DERA: variants seen among roughly 807,000 people sequenced by gnomAD.
The protein encoded by DERA is deoxyribose-phosphate aldolase.
Under a neutral mutation model 41.1 loss-of-function variants are expected in DERA, and 15 were observed. That is an observed-to-expected ratio of 0.37 (90% CI 0.24 to 0.56). The LOEUF (loss-of-function observed/expected upper bound fraction) is 0.56. Among genes scored for constraint, DERA ranks in the 20% least tolerant of loss-of-function variants. DERA has a pLI of 0.81. For synonymous variants in DERA, 139 were observed against 137.4 expected (o/e 1.01, Z -0.08); for missense variants, 396 against 403.4 (o/e 0.98, Z 0.16).
In DERA at chr12:15,972,864, A is replaced by G. The variant is rs1948672656; in HGVS notation, c.509-9444A>G. Among the ~76,000 whole-genome samples, 1 of 152,168 alleles carries G rather than the reference A, an allele frequency of 6.6e-6. No homozygotes were observed. Among genetic ancestry groups the G allele is most frequent in the African/African-American group, 2.4e-5 (1 of 41,436 alleles). On this transcript the variant is annotated intron_variant, in intron 5 of 8. Transcript: ENST00000428559. This position sits in a 1 kb window ranked among gnomAD's most constrained non-coding sequence, Gnocchi z 4.4. ...CTTAAATAAAGAAAACTAAAATGCTATCGATGCAAGTTCCTGCTGGCGTGC... is the reference window on the plus strand; with the variant it reads ...CTTAAATAAAGAAAACTAAAATGCTGTCGATGCAAGTTCCTGCTGGCGTGC...
chr12:15,924,407 T>A lies in DERA; in HGVS notation c.31+12993T>A, dbSNP rs1033838183. Reference sequence around the variant, plus strand: ...CAATACCCTGTTTCTAAAATTAAAATGTATATATATAAAAGTTAAATAATT... The same window carrying A: ...CAATACCCTGTTTCTAAAATTAAAAAGTATATATATAAAAGTTAAATAATT... On this transcript the variant is annotated intron_variant, in intron 1 of 8. Coordinates refer to ENST00000428559, the MANE Select transcript of DERA (RefSeq NM_015954.4). The surrounding 1 kb of genome is among the most constrained non-coding windows in gnomAD (Gnocchi z 5.0). 6.6e-6 allele frequency among the ~76,000 whole-genome samples: 1 copy of A among 152,204 alleles called. No homozygotes were observed. Among genetic ancestry groups the A allele is most frequent in the African/African-American group, 2.4e-5 (1 of 41,448 alleles).
In DERA at chr12:16,003,726, G is replaced by A. The variant is rs1057254117; in HGVS notation, c.637+21290G>A. ...TCAATTTCTGGCTCATGAGTGAGAA[G>A]TATTCCTCCTTAGTTGTGCCTGAGA... On this transcript the variant is annotated intron_variant, in intron 6 of 8. Coordinates refer to ENST00000428559, the MANE Select transcript of DERA (RefSeq NM_015954.4). This position sits in a 1 kb window ranked among gnomAD's most constrained non-coding sequence, Gnocchi z 4.8. Among the ~76,000 whole-genome samples, 1 of 152,158 alleles carries A rather than the reference G, an allele frequency of 6.6e-6. No individual in the cohort carries two copies. The highest frequency in any genetic ancestry group is 1.5e-5 in the Non-Finnish European group (1 of 68,034).
chr12:15,967,751 A>G lies in DERA; in HGVS notation c.508+4804A>G, dbSNP rs1470980255. Among the ~76,000 whole-genome samples, 1 of 152,112 alleles carries G rather than the reference A, an allele frequency of 6.6e-6. No homozygotes were observed. Among genetic ancestry groups the G allele is most frequent in the Non-Finnish European group, 1.5e-5 (1 of 68,026 alleles). On this transcript the variant is annotated intron_variant, in intron 5 of 8. Coordinates refer to ENST00000428559, the MANE Select transcript of DERA (RefSeq NM_015954.4). This position sits in a 1 kb window ranked among gnomAD's most constrained non-coding sequence, Gnocchi z 4.9. Reference sequence around the variant, plus strand: ...GACGGCACACTGTCCTTCCCTGCCAATCCTTCTGTCACTCCTGTCTAGCTG... The same window carrying G: ...GACGGCACACTGTCCTTCCCTGCCAGTCCTTCTGTCACTCCTGTCTAGCTG...
chr12:15,932,626 A>T (rs1183339422), intron 1 of DERA, among the ~76,000 whole-genome samples: 2 of 151,938 alleles, frequency 1.3e-5, no homozygotes, highest in Admixed American at 1.3e-4. Flanking sequence ...CCTGAGTAAC[A>T]GTGAGAACCT....
At position 15,995,545 on chromosome 12, in the gene DERA, G is replaced by C. The variant is rs749239928; in HGVS notation, c.637+13109G>C. 2.6e-5 allele frequency among the ~76,000 whole-genome samples: 4 copies of C among 152,136 alleles called. No individual in the cohort carries two copies. The highest frequency in any genetic ancestry group is 5.9e-5 in the Non-Finnish European group (4 of 68,020). On this transcript the variant is annotated intron_variant, in intron 6 of 8. Transcript: ENST00000428559. This position sits in a 1 kb window ranked among gnomAD's most constrained non-coding sequence, Gnocchi z 5.1. ...CTTTTCTTCCAGACTCTCTTACCTAGGGTGCCCAGAGAACAGCTAGGGAGT... is the reference window on the plus strand; with the variant it reads ...CTTTTCTTCCAGACTCTCTTACCTACGGTGCCCAGAGAACAGCTAGGGAGT...
intron 1 of DERA, among the ~76,000 whole-genome samples, chr12:15,925,062 G>A (rs928007597): frequency 2.0e-5 from 3 of 152,178 alleles, no homozygotes; most frequent in African/African-American, 7.2e-5. Context: ...ACTGCCTGGT[G>A]TACCAAGCCC....
At chr12:15,960,299 CAT>C (rs781127146) in intron 4 of DERA, among the ~76,000 whole-genome samples, 50 of 150,068 alleles carry the variant, frequency 3.3e-4, no homozygotes, top group Non-Finnish European at 4.1e-4. Context: ...CTAACACACA[CAT>C]GTATGCATGT....
At chr12:15,947,689 G>T (rs1042690409) in intron 1 of DERA, among the ~76,000 whole-genome samples, 1 of 152,094 alleles carries the variant, frequency 6.6e-6, no homozygotes, top group Non-Finnish European at 1.5e-5. Context: ...CTTTTAATTG[G>T]ACCATTTAGC....
At position 15,962,704 on chromosome 12, in the gene DERA, T is replaced by C. The variant is rs574595419; in HGVS notation, c.374-109T>C. On this transcript the variant is annotated intron_variant, in intron 4 of 8. Transcript: ENST00000428559. ...CTGATGTTTGGGGGTTTGGAATTCT[T>C]TGATGAACTACTACTGACCAATTGA... 12 of 857,860 alleles carry C rather than the reference T, an allele frequency of 1.4e-5. No individual in the cohort carries two copies. In the African/African-American group the frequency reaches 1.9e-4, roughly 13 times the overall value. 53.1% of individuals were successfully genotyped at this position (857,860 alleles called of 1,614,324 possible).
chr12:15,984,582 T>A lies in DERA; in HGVS notation c.637+2146T>A, dbSNP rs1948752307. On this transcript the variant is annotated intron_variant, in intron 6 of 8. Coordinates refer to ENST00000428559, the MANE Select transcript of DERA (RefSeq NM_015954.4). The surrounding 1 kb of genome is among the most constrained non-coding windows in gnomAD (Gnocchi z 4.5). Reference sequence around the variant, plus strand: ...GGAAGAAATCTAGGATTGTGTGACTTGTTTAAGGTCACAAAGCTAATAAAT... The same window carrying A: ...GGAAGAAATCTAGGATTGTGTGACTAGTTTAAGGTCACAAAGCTAATAAAT... 6.6e-6 allele frequency among the ~76,000 whole-genome samples: 1 copy of A among 152,188 alleles called. No individual in the cohort carries two copies. Among genetic ancestry groups the A allele is most frequent in the South Asian group, 2.1e-4 (1 of 4,832 alleles).
Position 16,035,147 on chromosome 12 carries a change from A to T in DERA, c.751-1085A>T, listed in dbSNP as rs1949118976. ...GAGTGCAGTGGAAAGAGTGCATGTG[A>T]GGGGGTAAGGAAGGTAAGGAGGTAG... On this transcript the variant is annotated intron_variant, in intron 7 of 8. Transcript: ENST00000428559. The surrounding 1 kb of genome is among the most constrained non-coding windows in gnomAD (Gnocchi z 4.1). 6.6e-6 allele frequency among the ~76,000 whole-genome samples: 1 copy of T among 151,894 alleles called. No homozygotes were observed. Among genetic ancestry groups the T allele is most frequent in the Admixed American group, 6.6e-5 (1 of 15,248 alleles).
Position 15,937,146 on chromosome 12 carries a change from G to T in DERA, c.32-19790G>T, listed in dbSNP as rs555382822. Among the ~76,000 whole-genome samples, 7 of 152,152 alleles carry T rather than the reference G, an allele frequency of 4.6e-5. No homozygotes were observed. The South Asian group carries it at 1.5e-3, about 32-fold the overall frequency. On this transcript the variant is annotated intron_variant, in intron 1 of 8. Coordinates refer to ENST00000428559, the MANE Select transcript of DERA (RefSeq NM_015954.4). ...AATTTTTAATTTTTTTGTAGAGACA[G>T]GGTCTCACCATATTGCCCAGGCTGA...
rs184875774 is a variant in DERA, at chr12:15,940,005, T to C, written c.32-16931T>C. Among the ~76,000 whole-genome samples the C allele has an allele frequency of 1.4e-3, 217 of 152,372 alleles. No homozygotes were observed. The highest frequency in any genetic ancestry group is 4.9e-3 in the African/African-American group (202 of 41,588). On this transcript the variant is annotated intron_variant, in intron 1 of 8. Coordinates refer to ENST00000428559, the MANE Select transcript of DERA (RefSeq NM_015954.4). The surrounding 1 kb of genome is among the most constrained non-coding windows in gnomAD (Gnocchi z 5.1). The stretch of plus-strand genomic sequence containing the variant: ...TCTGTCACAAAGAGATCCAGGTATA[T>C]TTCTGTTCCATAGGTTTCCTAATTT...
intron 5 of DERA, among the ~76,000 whole-genome samples, chr12:15,975,596 C>G (rs538753539): frequency 4.7e-4 from 72 of 152,338 alleles, no homozygotes; most frequent in African/African-American, 1.7e-3. Flanking sequence ...ATGTTTTAAA[C>G]TATGAACTAT....
rs1488816257 is a variant in DERA, at chr12:16,019,392, A to C, written c.638-13150A>C. 6.6e-6 allele frequency among the ~76,000 whole-genome samples: 1 copy of C among 152,212 alleles called. No individual in the cohort carries two copies. Among genetic ancestry groups the C allele is most frequent in the Non-Finnish European group, 1.5e-5 (1 of 68,040 alleles). On this transcript the variant is annotated intron_variant, in intron 6 of 8. Coordinates refer to ENST00000428559, the MANE Select transcript of DERA (RefSeq NM_015954.4). This position sits in a 1 kb window ranked among gnomAD's most constrained non-coding sequence, Gnocchi z 4.4. ...ATACAGACACTAAATTTAGCATCTT[A>C]AAACACTGATTTCATGTGATCAGAC...
At position 15,915,898 on chromosome 12, in the gene DERA, A is replaced by G. The variant is rs112258082; in HGVS notation, c.31+4484A>G. Among the ~76,000 whole-genome samples, 12 of 152,370 alleles carry G rather than the reference A, an allele frequency of 7.9e-5. 1 individual carries two copies. The highest frequency in any genetic ancestry group is 1.9e-4 in the African/African-American group (8 of 41,592). ...TAGGTATAGCTAATGTGGCAGAGCC[A>G]GAATTCAAGCCCAGGTGATTTGGTG... On this transcript the variant is annotated intron_variant, in intron 1 of 8. Transcript: ENST00000428559. This position sits in a 1 kb window ranked among gnomAD's most constrained non-coding sequence, Gnocchi z 4.8.
chr12:16,023,473 CTTTTTTTTTTTT>C (rs58250786), intron 6 of DERA, among the ~76,000 whole-genome samples: 17 of 111,876 alleles, frequency 1.5e-4, no homozygotes, highest in African/African-American at 5.7e-4. Context: ...AACTCAAAGT[CTTTTTTTTTTTT>C]TTTTTTTTTT....
chr12:15,983,109 T>C lies in DERA; in HGVS notation c.637+673T>C, dbSNP rs1948743474. ...CTGCTGTCTTAGGCCACCATCCTCC[T>C]CCACAGGGATTACTTCAGCTGTTCC... On this transcript the variant is annotated intron_variant, in intron 6 of 8. Coordinates refer to ENST00000428559, the MANE Select transcript of DERA (RefSeq NM_015954.4). This position sits in a 1 kb window ranked among gnomAD's most constrained non-coding sequence, Gnocchi z 6.2. Among the ~76,000 whole-genome samples the C allele has an allele frequency of 1.3e-5, 2 of 152,188 alleles. No homozygotes were observed. The highest frequency in any genetic ancestry group is 1.3e-4 in the Admixed American group (2 of 15,276).
intron 6 of DERA, among the ~76,000 whole-genome samples, chr12:16,030,154 G>C (rs1230619194): frequency 6.7e-6 from 1 of 148,750 alleles, no homozygotes; most frequent in African/African-American, 2.5e-5. Flanking sequence ...GGCTGGTCTT[G>C]AACTTCTGAC....
Sources: gnomAD v4.1 joint callset for allele counts (sites outside exome capture counted in the v4.1 genomes callset) on GRCh38, gnomAD v4.1.1 for gene constraint, Gnocchi (gnomAD v3.1) non-coding constraint, MANE v1.5 for transcripts, NCBI Gene and HGNC (gene_info 2026-07-23, HGNC 2026-07-21) for gene names.